The following WWP2 variants were observed in gnomAD, a reference collection of about 807,000 sequenced individuals.
WWP2 encodes the protein NEDD4-like E3 ubiquitin-protein ligase WWP2.
WWP2 carries 57 observed loss-of-function variants against 121.0 expected under a neutral mutation model. The observed-to-expected ratio is 0.47, with a 90% CI of 0.38 to 0.59. WWP2 has a LOEUF of 0.59. Among genes scored for constraint, WWP2 ranks in the 20% least tolerant of loss-of-function variants. The pLI is 0.00. For missense variants in WWP2, 962 were observed against 1,158.9 expected (o/e 0.83, Z 2.47); for synonymous variants, 449 against 441.3 (o/e 1.02, Z -0.22).
At chr16:69,774,288 G>T (rs977359053) in intron 1 of WWP2, among the ~76,000 whole-genome samples, 1 of 151,520 alleles carries the variant, frequency 6.6e-6, no homozygotes, top group African/African-American at 2.4e-5. Flanking sequence ...ACAGGGTCTT[G>T]CTCTGTCACC....
chr16:69,932,871 G>A (rs1407833984), intron 16 of WWP2, among the ~76,000 whole-genome samples: 1 of 152,120 alleles, frequency 6.6e-6, no homozygotes, highest in Non-Finnish European at 1.5e-5. Flanking sequence ...GAGAGAGAGA[G>A]CGCTGTGGCC....
chr16:69,940,300 C>T lies in WWP2; in HGVS notation c.*360C>T, dbSNP rs1567451224. 8.5e-6 allele frequency: 2 copies of T among 235,306 alleles called. No homozygotes were observed. Among genetic ancestry groups the T allele is most frequent in the Non-Finnish European group, 1.7e-5 (2 of 120,632 alleles). The allele number at this position is 235,306 out of a possible 1,614,324, so 14.6% of individuals were successfully genotyped here. A position where few individuals can be genotyped will look rare whatever the true frequency, so the allele number is the denominator to read the frequency against. On this transcript the variant is annotated 3_prime_UTR_variant, in exon 24 of 24. Transcript: ENST00000359154. The stretch of plus-strand genomic sequence containing the variant: ...CAGGGGCTGCCGCAGAGGCCGGAGA[C>T]CTCCTGGACTAGTTCGGCGAGGAGA...
intron 7 of WWP2, among the ~76,000 whole-genome samples, chr16:69,877,434 T>C (rs1271345821): frequency 6.6e-6 from 1 of 152,240 alleles, no homozygotes; most frequent in Non-Finnish European, 1.5e-5. Context: ...GCTGGTTTGA[T>C]CTTCTTTTCA....
At position 69,937,768 on chromosome 16, in the gene WWP2, A is replaced by G. The variant is rs1483125764; in HGVS notation, c.2343+116A>G. ...AGCTTTGGCCCTGTCCTTGCCTCCCACACCTTGCAAAAGGAGACGATAGAC... is the reference window on the plus strand; with the variant it reads ...AGCTTTGGCCCTGTCCTTGCCTCCCGCACCTTGCAAAAGGAGACGATAGAC... On this transcript the variant is annotated intron_variant, in intron 21 of 23. Coordinates refer to ENST00000359154, the MANE Select transcript of WWP2 (RefSeq NM_001270454.2). This position sits in a 1 kb window ranked among gnomAD's most constrained non-coding sequence, Gnocchi z 6.6. 6.4e-6 allele frequency: 6 copies of G among 933,830 alleles called. No homozygotes were observed. Among genetic ancestry groups the G allele is most frequent in the Non-Finnish European group, 9.8e-6 (6 of 612,800 alleles). The allele number at this position is 933,830 out of a possible 1,614,324, so 57.8% of individuals were successfully genotyped here.
In WWP2 at chr16:69,820,543, C is replaced by T. The variant is rs1423099332; in HGVS notation, c.341-19583C>T. Among the ~76,000 whole-genome samples the T allele has an allele frequency of 1.3e-4, 17 of 129,098 alleles. 3 individuals are homozygous for T. The highest frequency in any genetic ancestry group is 2.0e-4 in the Non-Finnish European group (11 of 56,250). The allele number at this position is 129,098 out of a possible 152,430, so 84.7% of individuals were successfully genotyped here. A position where few individuals can be genotyped will look rare whatever the true frequency, so the allele number is the denominator to read the frequency against. Reference sequence around the variant, plus strand: ...ACAGGCGTGAGCCACCGCTCTTGGCCCCCTGTCTCTTAAAAAAAAAAAAAA... The same window carrying T: ...ACAGGCGTGAGCCACCGCTCTTGGCTCCCTGTCTCTTAAAAAAAAAAAAAA... On this transcript the variant is annotated intron_variant, in intron 4 of 23. Transcript: ENST00000359154.
intron 8 of WWP2, chr16:69,894,813 G>A (rs1347163540): frequency 6.6e-6 from 1 of 152,220 alleles, no homozygotes; most frequent in Non-Finnish European, 1.5e-5. Context: ...AACTCCAAGT[G>A]TGTCCCTTAC....
chr16:69,939,475 GC>G, intron 23 of WWP2, 62 bp downstream of exon 23: 1 of 1,565,214 alleles, frequency 6.4e-7, no homozygotes, highest in Non-Finnish European at 8.8e-7. Flanking sequence ...TCCTGGGACA[GC>G]CCAGTGGGTG....
intron 8 of WWP2, among the ~76,000 whole-genome samples, chr16:69,889,065 T>C (rs565105513): frequency 6.6e-6 from 1 of 152,232 alleles, no homozygotes; most frequent in East Asian, 1.9e-4. Context: ...ATCAATTCCA[T>C]TGCTTTGGGA....
At chr16:69,787,156 G>C (rs2055811318) in intron 2 of WWP2, 76 bp downstream of exon 2, 1 of 1,318,334 alleles carries the variant, frequency 7.6e-7, no homozygotes, top group Non-Finnish European at 1.0e-6. Flanking sequence ...CCTTGGTCTG[G>C]GGAGCCAAAT....
At chr16:69,827,702 G>A (rs1159923562) in intron 4 of WWP2, among the ~76,000 whole-genome samples, 4 of 152,200 alleles carry the variant, frequency 2.6e-5, no homozygotes, top group East Asian at 1.9e-4. Flanking sequence ...TGGCCGCTGC[G>A]GTTCCCTGAG....
chr16:69,786,513 C>G (rs1254096874), intron 1 of WWP2, among the ~76,000 whole-genome samples: 1 of 146,832 alleles, frequency 6.8e-6, no homozygotes, highest in Admixed American at 6.9e-5. Context: ...GTGCAATGGC[C>G]GATCTTGGCT....
At chr16:69,916,009 G>A (rs1197395016) in intron 9 of WWP2, among the ~76,000 whole-genome samples, 1 of 149,036 alleles carries the variant, frequency 6.7e-6, no homozygotes, top group East Asian at 2.0e-4. Flanking sequence ...CTCTACTCTA[G>A]CCTGGACTAA....
chr16:69,788,880 T>G, intron 2 of WWP2, among the ~76,000 whole-genome samples: 1 of 152,174 alleles, frequency 6.6e-6, no homozygotes, highest in African/African-American at 2.4e-5. Flanking sequence ...TCGGGTTCCA[T>G]AGCTCTGCAG....
intron 9 of WWP2, among the ~76,000 whole-genome samples, chr16:69,914,633 T>C (rs1336102299): frequency 6.6e-6 from 1 of 152,066 alleles, no homozygotes; most frequent in African/African-American, 2.4e-5. Flanking sequence ...GGTGCGTGCC[T>C]GTAGTCCTAG....
In WWP2 at chr16:69,917,749, G is replaced by A. The variant is rs748549161; in HGVS notation, c.1045G>A (p.Val349Met). 2 of 1,612,266 alleles carry A rather than the reference G, an allele frequency of 1.2e-6. No individual in the cohort carries two copies. Among genetic ancestry groups the A allele is most frequent in the South Asian group, 2.2e-5 (2 of 91,048 alleles). The change falls in exon 10 of 24, where the codon GTG (valine) becomes ATG (methionine). Residue 349 changes from valine to methionine, a missense_variant. This residue lies in a region of WWP2 where 606 missense variants were observed against 772.6 expected (regional missense o/e 0.78). Transcript: ENST00000359154. ...RTDPRGRFYY[V>M]DHNTRTTTWQ... ...AGATCCCCGAGGCAGGTTTTACTAT[G>A]TGGATCACAATACTCGGACCACCAC...
chr16:69,926,329 G>A (rs2058639020), intron 11 of WWP2, among the ~76,000 whole-genome samples: 7 of 152,212 alleles, frequency 4.6e-5, no homozygotes, highest in Admixed American at 4.6e-4. Flanking sequence ...GCGGGAACCA[G>A]CATGTGTTGG....
intron 10 of WWP2, chr16:69,924,880 T>TG (rs928250738): frequency 1.1e-5 from 11 of 974,372 alleles, no homozygotes; most frequent in African/African-American, 1.1e-4. Flanking sequence ...GATGGGAGGT[T>TG]GGGGGGGACG....
At chr16:69,859,845 T>A (rs2151900841) in intron 6 of WWP2, among the ~76,000 whole-genome samples, 1 of 152,072 alleles carries the variant, frequency 6.6e-6, no homozygotes, top group African/African-American at 2.4e-5. Flanking sequence ...TGATGCTAAT[T>A]AGACTGAGAG....
Position 69,799,465 on chromosome 16 carries a change from A to G in WWP2, c.340+170A>G. On this transcript the variant is annotated intron_variant, in intron 4 of 23. Transcript: ENST00000359154. The surrounding 1 kb of genome is among the most constrained non-coding windows in gnomAD (Gnocchi z 4.5). ...AGGCTGAGGGCTCCTCTCTGCCTCC[A>G]CTACAGAGTTTAGCCCTCTTTGTCC... is the stretch of plus-strand genomic sequence containing the variant. The G allele has an allele frequency of 1.2e-6, 1 of 867,164 alleles. No homozygotes were observed. The highest frequency in any genetic ancestry group is 1.7e-6 in the Non-Finnish European group (1 of 590,000). The allele number at this position is 867,164 out of a possible 1,614,324, so 53.7% of individuals were successfully genotyped here.
Sources: gnomAD v4.1 joint callset for allele counts (sites outside exome capture counted in the v4.1 genomes callset) on GRCh38, gnomAD v4.1.1 for gene constraint, gnomAD v4.1.1 regional missense constraint, Gnocchi (gnomAD v3.1) non-coding constraint, MANE v1.5 for transcripts, NCBI Gene and HGNC (gene_info 2026-07-23, HGNC 2026-07-21) for gene names.